Variants in MACF1 observed in about 807,000 individuals in gnomAD.
The protein encoded by MACF1 is microtubule actin crosslinking factor 1.
Under a neutral mutation model 854.8 loss-of-function variants are expected in MACF1, and 193 were observed. The observed-to-expected ratio is 0.23, with a 90% CI of 0.20 to 0.25. The LOEUF is 0.25. Among genes scored for constraint, MACF1 ranks in the 10% least tolerant of loss-of-function variants. The pLI, the probability that MACF1 is intolerant of heterozygous loss-of-function variation, is 1.00. For missense variants in MACF1, 7,722 were observed against 8,929.1 expected (o/e 0.86, Z 5.45); for synonymous variants, 3,185 against 3,226.7 (o/e 0.99, Z 0.44).
chr1:39,235,156 G>C (rs1644845227), intron 2 of MACF1, among the ~76,000 whole-genome samples: 1 of 152,258 alleles, frequency 6.6e-6, no homozygotes, highest in Non-Finnish European at 1.5e-5. Context: ...AAGGCAGGCG[G>C]CTGGGAGGTG....
At chr1:39,355,057 GAC>G (rs1647412080) in intron 44 of MACF1, among the ~76,000 whole-genome samples, 1 of 152,172 alleles carries the variant, frequency 6.6e-6, no homozygotes. Flanking sequence ...TTTTAGTGGT[GAC>G]ACCTTTATAG....
At chr1:39,358,271 G>A (rs1474767900) in intron 45 of MACF1, among the ~76,000 whole-genome samples, 1 of 152,050 alleles carries the variant, frequency 6.6e-6, no homozygotes, top group Non-Finnish European at 1.5e-5. Flanking sequence ...GAGCATCTAG[G>A]GTGAATCCTT....
chr1:39,113,843 C>G (rs1250690531), intron 2 of MACF1, among the ~76,000 whole-genome samples: 1 of 152,090 alleles, frequency 6.6e-6, no homozygotes, highest in African/African-American at 2.4e-5. Flanking sequence ...TGAGACCAGC[C>G]TGGCCAACTT....
intron 70 of MACF1, chr1:39,436,506 C>G: frequency 6.2e-7 from 1 of 1,612,912 alleles, no homozygotes; most frequent in Non-Finnish European, 8.5e-7. Flanking sequence ...GTACCCATCC[C>G]CATTGGGACT....
chr1:39,135,963 C>T (rs1028363704), intron 2 of MACF1, among the ~76,000 whole-genome samples: 5 of 152,144 alleles, frequency 3.3e-5, no homozygotes, highest in East Asian at 1.9e-4. Flanking sequence ...GTACAGCGAA[C>T]GGCCAACTGT....
intron 2 of MACF1, among the ~76,000 whole-genome samples, chr1:39,124,638 C>T (rs937654682): frequency 1.3e-5 from 2 of 152,116 alleles, no homozygotes; most frequent in Non-Finnish European, 2.9e-5. Context: ...TTTTATAAAG[C>T]TGTATTGTGT....
In MACF1 at chr1:39,423,038, G is replaced by A. The variant is rs554181973; in HGVS notation, c.16149+138G>A. ...TTTGTGTCGTCCTGAAAAGAAAGGT[G>A]GAAATTGATTTTCATTATCTTACTT... On this transcript the variant is annotated intron_variant, in intron 60 of 100. Transcript: ENST00000564288. 419 of 721,036 alleles carry A rather than the reference G, an allele frequency of 5.8e-4. 2 individuals are homozygous for A. The highest frequency in any genetic ancestry group is 5.8e-3 in the South Asian group (241 of 41,584). The allele number at this position is 721,036 out of a possible 1,614,324, so 44.7% of individuals were successfully genotyped here.
rs532890662 is a variant in MACF1 at position 39,441,234 on chromosome 1, C to T, written c.18581C>T (p.Ala6194Val). The stretch of plus-strand genomic sequence containing the variant: ...ATGTTTTTCCCCTAGATGAATAATG[C>T]TTGGGAGAACTTAAACAAAACATGG... ...VRKSIDEMNN[A>V]WENLNKTWKE... The change falls in exon 74 of 101, where the codon GCT becomes GTT. Residue 6194 changes from alanine to valine, a missense_variant. Around this residue, in one of 15 missense-constraint regions of MACF1, gnomAD observed 2,807 missense variants for 3,235.8 expected, o/e 0.87. Transcript: ENST00000564288. 47 of 1,613,964 alleles carry T rather than the reference C, an allele frequency of 2.9e-5. No individual in the cohort carries two copies. In the East Asian group the frequency reaches 9.4e-4, roughly 32 times the overall value.
At chr1:39,113,528 G>A (rs1001197662) in intron 2 of MACF1, among the ~76,000 whole-genome samples, 6 of 152,196 alleles carry the variant, frequency 3.9e-5, no homozygotes, top group African/African-American at 1.4e-4. Context: ...GAAAGATGCT[G>A]ACTGACCAAT....
At chr1:39,398,139 C>CT (rs750827427) in intron 58 of MACF1, among the ~76,000 whole-genome samples, 8,054 of 134,272 alleles carry the variant, frequency 0.06, 606 homozygotes, top group African/African-American at 0.17. Context: ...CCCGCCACTC[C>CT]TTTTTTTTTT....
At chr1:39,244,372 C>T (rs538250326) in intron 2 of MACF1, among the ~76,000 whole-genome samples, 53 of 152,146 alleles carry the variant, frequency 3.5e-4, no homozygotes, top group African/African-American at 1.3e-3. Context: ...ACTTCTGCCT[C>T]CGAGGTTCAA....
chr1:39,091,145 C>T (rs1641791829), intron 2 of MACF1, among the ~76,000 whole-genome samples: 1 of 152,216 alleles, frequency 6.6e-6, no homozygotes, highest in African/African-American at 2.4e-5. Flanking sequence ...AGCTGTGCCC[C>T]ACCCCTACCC....
At position 39,234,528 on chromosome 1, in the gene MACF1, G is replaced by A. The variant is rs1369437210; in HGVS notation, c.171+3285G>A. ...GCGCCCCTCACCTCCCGGACGGGGCGGCTGGCCTGGCGGGGGGCTGACCCC... is the reference window on the plus strand; with the variant it reads ...GCGCCCCTCACCTCCCGGACGGGGCAGCTGGCCTGGCGGGGGGCTGACCCC... On this transcript the variant is annotated intron_variant, in intron 2 of 100. Coordinates refer to ENST00000564288, the MANE Select transcript of MACF1 (RefSeq NM_001394062.1). 6.3e-5 allele frequency among the ~76,000 whole-genome samples: 8 copies of A among 126,780 alleles called. No individual in the cohort carries two copies. In the East Asian group the frequency reaches 8.0e-4, roughly 13 times the overall value. The allele number at this position is 126,780 out of a possible 152,430, so 83.2% of individuals were successfully genotyped here. A position where few individuals can be genotyped will look rare whatever the true frequency, so the allele number is the denominator to read the frequency against.
intron 80 of MACF1, among the ~76,000 whole-genome samples, chr1:39,445,099 G>C (rs977351708): frequency 3.9e-5 from 6 of 152,140 alleles, no homozygotes; most frequent in Admixed American, 3.9e-4. Context: ...TCACCAATTT[G>C]TGTTCTACTT....
chr1:39,437,634 T>G (rs906374253), intron 70 of MACF1, 143 bp from the exon 71 acceptor site: 12 of 754,332 alleles, frequency 1.6e-5, no homozygotes, highest in Admixed American at 9.9e-5. Context: ...TTAACCAAAC[T>G]CAACACTTAA....
chr1:39,358,228 T>C (rs1313644803), intron 45 of MACF1, among the ~76,000 whole-genome samples: 5 of 152,128 alleles, frequency 3.3e-5, no homozygotes, highest in Non-Finnish European at 5.9e-5. Flanking sequence ...TTTAAACCAA[T>C]TGCACAGTCT....
intron 88 of MACF1, 117 bp from the exon 89 acceptor site, chr1:39,454,792 T>C (rs978229365): frequency 3.4e-6 from 3 of 889,716 alleles, no homozygotes; most frequent in Admixed American, 2.9e-5. Flanking sequence ...AGAGCGAGAG[T>C]CTGTCTCCAA....
In MACF1 at chr1:39,380,276, A is replaced by G; in HGVS notation, c.13551A>G (p.Pro4517=). 6.2e-7 allele frequency: 1 copy of G among 1,613,610 alleles called. No homozygotes were observed. Among genetic ancestry groups the G allele is most frequent in the Non-Finnish European group, 8.5e-7 (1 of 1,179,732 alleles). The change falls in exon 55 of 101, where the codon CCA becomes CCG. Residue 4517 remains proline (P), a synonymous_variant. Transcript: ENST00000564288. ...TGGCTGAGTTGGAACAGAATTCTCCAAAAATTCAAAAAGTAAAGGAAGCCC... is the reference window on the plus strand; with the variant it reads ...TGGCTGAGTTGGAACAGAATTCTCCGAAAATTCAAAAAGTAAAGGAAGCCC... The part of the protein sequence containing the change: ...AFLAELEQNS[P]KIQKVKEALA...
chr1:39,129,707 T>C (rs558190880), intron 2 of MACF1, among the ~76,000 whole-genome samples: 21 of 152,344 alleles, frequency 1.4e-4, no homozygotes, highest in Admixed American at 3.3e-4. Context: ...GTAAAACCTC[T>C]TGTTTCTATT....
Sources: allele counts gnomAD v4.1 joint callset (sites outside exome capture counted in the v4.1 genomes callset), GRCh38; gene constraint gnomAD v4.1.1; regional missense constraint gnomAD v4.1.1; transcripts MANE v1.5; gene names NCBI Gene and HGNC (gene_info 2026-07-23, HGNC 2026-07-21).